Variants in CHD1 observed in about 807,000 individuals in gnomAD.
CHD1 encodes the protein ATP-dependent chromatin remodeler CHD1.
Under a neutral mutation model 224.2 loss-of-function variants are expected in CHD1, and 36 were observed. That is an observed-to-expected ratio of 0.16 (90% CI 0.12 to 0.21). The LOEUF is 0.21. Ranked by LOEUF, CHD1 falls within the 10% of genes least tolerant of loss-of-function variation. The pLI is 1.00. For synonymous variants in CHD1, 668 were observed against 658.3 expected, an observed-to-expected ratio of 1.01 and a Z score of -0.23; for missense variants, 1,378 against 1,994.8, an observed-to-expected ratio of 0.69 and a Z score of 5.89.
chr5:98,890,685 TG>T (rs1430504649), intron 15 of CHD1, among the ~76,000 whole-genome samples: 1 of 152,182 alleles, frequency 6.6e-6, no homozygotes, highest in Non-Finnish European at 1.5e-5. Context: ...TAATCGCCAT[TG>T]TGTACTACAA....
chr5:98,864,488 T>G (rs946576982), intron 31 of CHD1, among the ~76,000 whole-genome samples: 1 of 122,724 alleles, frequency 8.1e-6, no homozygotes, highest in South Asian at 2.6e-4. Context: ...GAGATCAGCC[T>G]GGGCAACAGT....
rs1748186417 is a variant in CHD1, at chr5:98,858,210, C to T, written c.4757G>A (p.Arg1586His). Residue 1586 changes from arginine to histidine, a missense_variant, in exon 35 of 36, where the codon CGT (arginine) becomes CAT (histidine). Coordinates refer to ENST00000614616, the MANE Select transcript of CHD1 (RefSeq NM_001270.4). ...GTCTTGCTTGTAGTGATCCCAATCA[C>T]GATGGTCTTTACCATTACTAAAAGA... The part of the protein sequence containing the change: ...YSSFSNGKDH[R>H]DWDHYKQDSR... The T allele has an allele frequency of 3.1e-6, 5 of 1,613,014 alleles. No individual in the cohort carries two copies. Among genetic ancestry groups the T allele is most frequent in the South Asian group, 2.2e-5 (2 of 91,042 alleles).
Position 98,869,847 on chromosome 5 carries a change from C to T in CHD1, c.4014G>A (p.Lys1338=). The T allele has an allele frequency of 6.2e-7, 1 of 1,606,662 alleles. No individual in the cohort carries two copies. The highest frequency in any genetic ancestry group is 8.5e-7 in the Non-Finnish European group (1 of 1,173,782). The change falls in exon 30 of 36, where the codon AAG becomes AAA. Residue 1338 remains lysine, a synonymous_variant. Transcript: ENST00000614616. ...SSKRRKARAK[K]NKAMKSIKVK... ...CTTTTATAGACTTCATTGCTTTATT[C>T]TTCTTAGCTCTTGCTTTTCTCCTCT...
At position 98,899,220 on chromosome 5, in the gene CHD1, C is replaced by T. The variant is rs183574281; in HGVS notation, c.1085+260G>A. 3.1e-3 allele frequency among the ~76,000 whole-genome samples: 478 copies of T among 152,258 alleles called. 5 individuals are homozygous for T. The highest frequency in any genetic ancestry group is 0.011 in the African/African-American group (450 of 41,538). ...ATAATACCCAATTTTACATTTACAA[C>T]GTAAATGCAGTGCAAATAGTTGTTA... On this transcript the variant is annotated intron_variant, in intron 8 of 35. Transcript: ENST00000614616.
At chr5:98,895,062 C>T (rs1312546442) in intron 12 of CHD1, among the ~76,000 whole-genome samples, 2 of 152,240 alleles carry the variant, frequency 1.3e-5, no homozygotes, top group South Asian at 4.1e-4. Context: ...CTCAGATGAT[C>T]CACCTACCTT....
At chr5:98,900,711 CA>C in intron 7 of CHD1, 99 bp downstream of exon 7, 10 of 1,070,654 alleles carry the variant, frequency 9.3e-6, no homozygotes, top group Non-Finnish European at 1.3e-5. Flanking sequence ...CTCGGCCCCC[CA>C]AAGTACTGGG....
rs970137656 is a variant in CHD1, at chr5:98,869,815, T to G, written c.4046A>C (p.Glu1349Ala). ...NKAMKSIKVK[E>A]EIKSDSSPLP... is the part of the protein sequence containing the mutation. ...AGGAGAAGAATCACTCTTTATTTCC[T>G]CTTTCACTTTTATAGACTTCATTGC... The change falls in exon 30 of 36, where the codon GAG becomes GCG. Residue 1349 changes from glutamate (E) to alanine (A), a missense_variant. This residue lies in a region of CHD1 where 105 missense variants were observed against 93.4 expected (regional missense o/e 1.12). Transcript: ENST00000614616. The G allele has an allele frequency of 2.5e-6, 4 of 1,611,874 alleles. No homozygotes were observed. The African/African-American group carries it at 5.3e-5, about 22-fold the overall frequency.
At chr5:98,889,609 C>G (rs1940828093) in intron 15 of CHD1, 1 of 155,842 alleles carries the variant, frequency 6.4e-6, no homozygotes, top group Non-Finnish European at 1.4e-5. Flanking sequence ...TAAAAGAAAC[C>G]TGAGGATACC....
At chr5:98,887,571 T>C (rs1188055948) in intron 17 of CHD1, among the ~76,000 whole-genome samples, 1 of 152,202 alleles carries the variant, frequency 6.6e-6, no homozygotes, top group Non-Finnish European at 1.5e-5. Flanking sequence ...GCTTTAGTTA[T>C]ATTGAATGAA....
At chr5:98,906,110 G>C (rs537325943) in intron 2 of CHD1, among the ~76,000 whole-genome samples, 3 of 152,240 alleles carry the variant, frequency 2.0e-5, no homozygotes, top group African/African-American at 7.2e-5. Context: ...TCCAGAGCAA[G>C]AATTTAGTAA....
intron 31 of CHD1, among the ~76,000 whole-genome samples, chr5:98,866,451 G>A (rs747346704): frequency 2.6e-5 from 4 of 152,174 alleles, no homozygotes; most frequent in Admixed American, 2.6e-4. Flanking sequence ...ACACTGTCTA[G>A]TCACGGTGCA....
At position 98,855,809 on chromosome 5, in the gene CHD1, A is replaced by AGATC. The variant is rs1747982598; in HGVS notation, c.*567_*570dup. On this transcript the variant is annotated 3_prime_UTR_variant, in exon 36 of 36. Coordinates refer to ENST00000614616, the MANE Select transcript of CHD1 (RefSeq NM_001270.4). ...CATTTTTTTTGTAAAAAGGCATAAT[A>AGATC]GATCACAAACAGGAAATTCCTGGCT... 3 of 151,944 alleles carry AGATC rather than the reference A, an allele frequency of 2.0e-5. No individual in the cohort carries two copies. The highest frequency in any genetic ancestry group is 1.3e-4 in the Admixed American group (2 of 15,220). 9.4% of individuals were successfully genotyped at this position (151,944 alleles called of 1,614,324 possible). A position where few individuals can be genotyped will look rare whatever the true frequency, so the allele number is the denominator to read the frequency against.
intron 2 of CHD1, among the ~76,000 whole-genome samples, chr5:98,915,411 G>T (rs903519027): frequency 9.2e-5 from 14 of 152,288 alleles, no homozygotes; most frequent in Admixed American, 2.6e-4. Context: ...ATACTAGGAA[G>T]AGTAACTTTT....
Position 98,856,412 on chromosome 5 carries a change from G to C in CHD1, c.5101C>G (p.Pro1701Ala). ...TTCCGACTACTCCAGGTATGCTCCG[G>C]TGTACTTTTGTGTTCAACTGAATGT... ...FEHSVEHKST[P>A]EHTWSSRKT Residue 1701 changes from proline to alanine, a missense_variant, in exon 36 of 36, where the codon CCG becomes GCG. Transcript: ENST00000614616. 1.9e-6 allele frequency: 3 copies of C among 1,613,430 alleles called. No homozygotes were observed. In the East Asian group the frequency reaches 6.7e-5, roughly 36 times the overall value.
intron 8 of CHD1, 59 bp downstream of exon 8, chr5:98,899,421 A>G: frequency 9.4e-7 from 1 of 1,065,348 alleles, no homozygotes; most frequent in Non-Finnish European, 1.4e-6. Flanking sequence ...CTTTATTAAC[A>G]TAAAGGTTTA....
rs777158636 is a variant in CHD1 at position 98,901,311 on chromosome 5, T to C, written c.462A>G (p.Ser154=). 19 of 1,608,688 alleles carry C rather than the reference T, an allele frequency of 1.2e-5. No homozygotes were observed. Among genetic ancestry groups the C allele is most frequent in the Admixed American group, 1.7e-5 (1 of 58,492 alleles). The change falls in exon 6 of 36, where the codon TCA becomes TCG. Residue 154 remains serine (S), a synonymous_variant. Transcript: ENST00000614616. ...CTGAACCAGACTGAGATGGAGATCC[T>C]GACCCAGACATTTGCCAATCTTCAC... ...HKDEDWQMSG[S]GSPSQSGSDS...
intron 5 of CHD1, 140 bp from the exon 6 acceptor site, chr5:98,901,475 T>C: frequency 1.5e-6 from 1 of 647,900 alleles, no homozygotes; most frequent in Admixed American, 3.6e-5. Flanking sequence ...AATGAAATAT[T>C]TATAAAACAA....
chr5:98,924,614 G>A (rs1035212377), intron 2 of CHD1, among the ~76,000 whole-genome samples: 8 of 152,118 alleles, frequency 5.3e-5, no homozygotes, highest in African/African-American at 1.7e-4. Flanking sequence ...TCTCTATGAT[G>A]TTCTTGCTTA....
intron 18 of CHD1, among the ~76,000 whole-genome samples, chr5:98,884,707 G>T (rs1444197824): frequency 6.6e-6 from 1 of 151,190 alleles, no homozygotes; most frequent in African/African-American, 2.4e-5. Context: ...GTTGTTTTTG[G>T]GTTTTTTCTT....
Sources: gnomAD v4.1 joint callset for allele counts (sites outside exome capture counted in the v4.1 genomes callset) on GRCh38, gnomAD v4.1.1 for gene constraint, gnomAD v4.1.1 regional missense constraint, MANE v1.5 for transcripts, NCBI Gene and HGNC (gene_info 2026-07-23, HGNC 2026-07-21) for gene names.